WDPCP: variants seen among roughly 807,000 people sequenced by gnomAD.
WDPCP encodes WD repeat-containing and planar cell polarity effector protein fritz homolog.
A neutral mutation model predicts 93.1 loss-of-function variants in WDPCP; 71 were observed. That is an observed-to-expected ratio of 0.76 (90% CI 0.63 to 0.93). The LOEUF is 0.93. Ranked by LOEUF, WDPCP falls within the 40% of genes least tolerant of loss-of-function variation. The pLI, the probability that WDPCP is intolerant of heterozygous loss-of-function variation, is 0.00. For missense variants in WDPCP, 844 were observed against 887.4 expected, an observed-to-expected ratio of 0.95 and a Z score of 0.62; for synonymous variants, 315 against 315.0, an observed-to-expected ratio of 1.00 and a Z score of 0.00.
intron 9 of WDPCP, among the ~76,000 whole-genome samples, chr2:63,405,430 G>C (rs931031590): frequency 5.3e-5 from 8 of 152,058 alleles, no homozygotes; most frequent in Non-Finnish European, 7.4e-5. Flanking sequence ...AATGCAAATA[G>C]AAAATACAGT....
intron 1 of WDPCP, among the ~76,000 whole-genome samples, chr2:63,536,216 G>C (rs1338074282): frequency 1.3e-5 from 2 of 152,146 alleles, no homozygotes; most frequent in Non-Finnish European, 2.9e-5. Context: ...GGAAACAACA[G>C]GTCTTGGAGA....
intron 14 of WDPCP, among the ~76,000 whole-genome samples, chr2:63,196,581 AG>A (rs1675450596): frequency 6.6e-6 from 1 of 152,212 alleles, no homozygotes; most frequent in African/African-American, 2.4e-5. Context: ...ATGCCAGCAA[AG>A]GATGGTCTGA....
chr2:63,736,728 G>C lies in WDPCP; in HGVS notation n.308+76894C>G, dbSNP rs930404065. The stretch of plus-strand genomic sequence containing the variant: ...GAACAGCTCATCAGCAATGTTGTTT[G>C]ATTTTGTAGGGATGTTTTGAAAGAG... On this transcript the variant is annotated intron_variant and non_coding_transcript_variant, in intron 2 of 4. Transcript: ENST00000467687. Among the ~76,000 whole-genome samples, 5 of 152,136 alleles carry C rather than the reference G, an allele frequency of 3.3e-5. No individual in the cohort carries two copies. In the East Asian group the frequency reaches 5.8e-4, roughly 18 times the overall value.
At chr2:63,412,337 T>A (rs990955243) in intron 9 of WDPCP, among the ~76,000 whole-genome samples, 1 of 152,192 alleles carries the variant, frequency 6.6e-6, no homozygotes, top group Non-Finnish European at 1.5e-5. Flanking sequence ...CACCCCTTTA[T>A]GATTAAAACT....
chr2:63,407,955 G>A (rs1694719029), intron 9 of WDPCP, among the ~76,000 whole-genome samples: 1 of 152,150 alleles, frequency 6.6e-6, no homozygotes, highest in African/African-American at 2.4e-5. Flanking sequence ...TGGCAGTCTT[G>A]GACTTGAACA....
chr2:63,133,381 C>G (rs995357935), intron 17 of WDPCP, among the ~76,000 whole-genome samples: 3 of 152,116 alleles, frequency 2.0e-5, no homozygotes, highest in African/African-American at 7.2e-5. Flanking sequence ...CTTCAGGCAG[C>G]CTTTAGACAA....
chr2:63,651,111 A>G (rs1710104186), intron 2 of WDPCP, among the ~76,000 whole-genome samples: 1 of 152,160 alleles, frequency 6.6e-6, no homozygotes, highest in Non-Finnish European at 1.5e-5. Context: ...TATGGTTCCT[A>G]GGTTGCTTTC....
At chr2:63,583,656 G>A (rs1422290113) in intron 1 of WDPCP, among the ~76,000 whole-genome samples, 1 of 150,096 alleles carries the variant, frequency 6.7e-6, no homozygotes, top group Admixed American at 6.6e-5. Flanking sequence ...ACTCCAGCCT[G>A]GCGACAGAGC....
At chr2:63,445,247 G>A (rs1697772435) in intron 6 of WDPCP, among the ~76,000 whole-genome samples, 1 of 152,050 alleles carries the variant, frequency 6.6e-6, no homozygotes, top group Admixed American at 6.6e-5. Flanking sequence ...ACAGAGAACT[G>A]ACTTAAGGAG....
chr2:63,162,569 G>A (rs551071614), intron 15 of WDPCP, among the ~76,000 whole-genome samples: 1 of 152,206 alleles, frequency 6.6e-6, no homozygotes, highest in South Asian at 2.1e-4. Flanking sequence ...ACTGAGGAGG[G>A]ATATTTGAAT....
chr2:63,763,655 T>TATATGA (rs1670094996), intron 2 of WDPCP, among the ~76,000 whole-genome samples: 1 of 152,056 alleles, frequency 6.6e-6, no homozygotes, highest in African/African-American at 2.4e-5. Context: ...TATTCGGAAA[T>TATATGA]GTAGCACAAA....
At chr2:63,817,896 C>A (rs1434353399) in intron 1 of WDPCP, among the ~76,000 whole-genome samples, 2 of 152,132 alleles carry the variant, frequency 1.3e-5, no homozygotes, top group Non-Finnish European at 2.9e-5. Flanking sequence ...AATGTCTTTA[C>A]CGTAGGGCAC....
chr2:63,310,280 G>A (rs564528016), intron 13 of WDPCP, among the ~76,000 whole-genome samples: 2 of 152,268 alleles, frequency 1.3e-5, no homozygotes, highest in East Asian at 3.9e-4. Context: ...ATAACTGAGA[G>A]AGCTTGGAGT....
At chr2:63,481,070 T>A (rs1457957466) in intron 6 of WDPCP, among the ~76,000 whole-genome samples, 1 of 150,796 alleles carries the variant, frequency 6.6e-6, no homozygotes, top group Non-Finnish European at 1.5e-5. Flanking sequence ...ATAAAAAAAG[T>A]GGGTTAAGGA....
intron 14 of WDPCP, among the ~76,000 whole-genome samples, chr2:63,218,471 A>G (rs1390992547): frequency 6.6e-6 from 1 of 152,060 alleles, no homozygotes; most frequent in Non-Finnish European, 1.5e-5. Context: ...GTTAAATTGG[A>G]TGTTTCTCAT....
chr2:63,570,902 AT>A lies in WDPCP; in HGVS notation c.75+17294del, dbSNP rs544776845. On this transcript the variant is annotated intron_variant, in intron 1 of 17. Transcript: ENST00000272321. ...TTACACTTTATGAAACTTTGGGTAA[AT>A]TTTTTTTTTCTTTTTTTTTTGAGGT... Among the ~76,000 whole-genome samples, 884 of 148,914 alleles carry A rather than the reference AT, an allele frequency of 5.9e-3. 5 individuals carry two copies. Among genetic ancestry groups the A allele is most frequent in the Non-Finnish European group, 6.2e-3 (414 of 66,972 alleles).
chr2:63,579,349 C>T (rs969670489), intron 1 of WDPCP, among the ~76,000 whole-genome samples: 1 of 152,190 alleles, frequency 6.6e-6, no homozygotes. Context: ...GTGGTTCATG[C>T]CTGTAATCAC....
intron 13 of WDPCP, among the ~76,000 whole-genome samples, chr2:63,291,861 C>G (rs377380383): frequency 6.6e-6 from 1 of 150,432 alleles, no homozygotes; most frequent in Non-Finnish European, 1.5e-5. Flanking sequence ...AGGCCGGGCG[C>G]GGGGGCTCAC....
intron 2 of WDPCP, among the ~76,000 whole-genome samples, chr2:63,762,947 A>G (rs923356994): frequency 3.3e-5 from 5 of 152,090 alleles, no homozygotes; most frequent in African/African-American, 1.2e-4. Context: ...ATCCATTTAT[A>G]AAAAAAATTT....
Sources: allele counts gnomAD v4.1 joint callset (sites outside exome capture counted in the v4.1 genomes callset), GRCh38; gene constraint gnomAD v4.1.1; transcripts MANE v1.5; gene names NCBI Gene and HGNC (gene_info 2026-07-23, HGNC 2026-07-21).